The following CSMD3 variants were observed in gnomAD, a reference collection of about 807,000 sequenced individuals.
The protein encoded by CSMD3 is CUB and Sushi multiple domains 3.
A neutral mutation model predicts 435.2 loss-of-function variants in CSMD3; 177 were observed. The observed-to-expected ratio is 0.41, with a 90% CI of 0.36 to 0.46. The LOEUF is 0.46. Ranked by LOEUF, CSMD3 falls within the 20% of genes least tolerant of loss-of-function variation. The pLI is 0.34. For missense variants in CSMD3, 4,265 were observed against 4,504.6 expected (o/e 0.95, Z 1.52); for synonymous variants, 1,656 against 1,520.5 (o/e 1.09, Z -2.07).
intron 66 of CSMD3, among the ~76,000 whole-genome samples, chr8:112,238,623 A>C (rs1404126162): frequency 6.6e-6 from 1 of 151,934 alleles, no homozygotes; most frequent in Non-Finnish European, 1.5e-5. Context: ...ATGTTTTCTC[A>C]TATAACATGC....
At chr8:112,771,080 C>T (rs1428311876) in intron 13 of CSMD3, among the ~76,000 whole-genome samples, 1 of 151,996 alleles carries the variant, frequency 6.6e-6, no homozygotes, top group African/African-American at 2.4e-5. Context: ...ATGACATATA[C>T]CTTCAACATT....
At chr8:113,200,157 G>T (rs2092701899) in intron 3 of CSMD3, among the ~76,000 whole-genome samples, 1 of 151,784 alleles carries the variant, frequency 6.6e-6, no homozygotes, top group Non-Finnish European at 1.5e-5. Context: ...TTGTTGAAAG[G>T]AGAAAGTTGG....
chr8:112,461,198 A>G (rs1817411242), intron 32 of CSMD3, among the ~76,000 whole-genome samples: 1 of 152,184 alleles, frequency 6.6e-6, no homozygotes. Context: ...TCAGTGGGAT[A>G]GTGTCAGAAA....
At chr8:112,851,560 T>A (rs1169875985) in intron 11 of CSMD3, among the ~76,000 whole-genome samples, 1 of 152,070 alleles carries the variant, frequency 6.6e-6, no homozygotes, top group Non-Finnish European at 1.5e-5. Flanking sequence ...GGTCAGGACT[T>A]CGAGACCAGC....
chr8:112,957,802 G>A (rs1231904015), intron 7 of CSMD3, among the ~76,000 whole-genome samples: 3 of 152,292 alleles, frequency 2.0e-5, no homozygotes, highest in African/African-American at 2.4e-5. Context: ...CTGGAGAGCA[G>A]TGGCGTGATC....
rs1427352833 is a variant in CSMD3 at position 112,449,489 on chromosome 8, T to G, written c.5395+23102A>C. ...GAAGCTAACCCTAAGAAAAGCTGAG[T>G]GCAGAGACAGAGAATATGCGCCGAG... On this transcript the variant is annotated intron_variant, in intron 32 of 70. Coordinates refer to ENST00000297405, the MANE Select transcript of CSMD3 (RefSeq NM_198123.2). Among the ~76,000 whole-genome samples, 5 of 152,170 alleles carry G rather than the reference T, an allele frequency of 3.3e-5. No individual in the cohort carries two copies. The East Asian group carries it at 9.7e-4, about 30-fold the overall frequency.
At chr8:113,257,006 A>T (rs1276027414) in intron 3 of CSMD3, among the ~76,000 whole-genome samples, 1 of 152,148 alleles carries the variant, frequency 6.6e-6, no homozygotes, top group East Asian at 1.9e-4. Context: ...ATGTTAATAG[A>T]GGAAGGAGTG....
intron 10 of CSMD3, among the ~76,000 whole-genome samples, chr8:112,917,430 G>A (rs180916414): frequency 1.3e-5 from 2 of 151,914 alleles, no homozygotes; most frequent in East Asian, 1.9e-4. Flanking sequence ...TTCAGGAACA[G>A]GCTAGACATA....
chr8:113,249,044 G>C (rs1245686408), intron 3 of CSMD3, among the ~76,000 whole-genome samples: 4 of 152,040 alleles, frequency 2.6e-5, no homozygotes, highest in Non-Finnish European at 4.4e-5. Context: ...AATGAGTCAT[G>C]GGGGTGGTTT....
At chr8:112,728,780 C>A (rs1426795940) in intron 13 of CSMD3, among the ~76,000 whole-genome samples, 1 of 152,012 alleles carries the variant, frequency 6.6e-6, no homozygotes, top group Non-Finnish European at 1.5e-5. Flanking sequence ...CTATTTAAAA[C>A]AAATAAGTAA....
Position 113,095,638 on chromosome 8 carries a change from T to C in CSMD3, c.917+3118A>G, listed in dbSNP as rs1425359936. Among the ~76,000 whole-genome samples the C allele has an allele frequency of 4.6e-5, 7 of 152,242 alleles. No individual in the cohort carries two copies. The South Asian group carries it at 1.0e-3, about 23-fold the overall frequency. ...TGTCTGTGGGATCTGTATTAGCAGA[T>C]TCAACCAATCACAGATCAAAAATAT... On this transcript the variant is annotated intron_variant, in intron 5 of 70. Coordinates refer to ENST00000297405, the MANE Select transcript of CSMD3 (RefSeq NM_198123.2).
intron 41 of CSMD3, among the ~76,000 whole-genome samples, chr8:112,342,203 T>A (rs140530487): frequency 2.6e-5 from 4 of 152,258 alleles, no homozygotes; most frequent in African/African-American, 4.8e-5. Flanking sequence ...GCTCTTTCAG[T>A]GTTTTGCTTA....
intron 63 of CSMD3, among the ~76,000 whole-genome samples, chr8:112,247,974 A>C (rs574254459): frequency 6.6e-6 from 1 of 152,138 alleles, no homozygotes; most frequent in Non-Finnish European, 1.5e-5. Context: ...ATTGATTGGC[A>C]TTTATTGTTT....
intron 59 of CSMD3, among the ~76,000 whole-genome samples, chr8:112,274,568 T>A (rs930757929): frequency 1.3e-5 from 2 of 152,142 alleles, no homozygotes; most frequent in African/African-American, 4.8e-5. Flanking sequence ...AAACTGCCCA[T>A]GGTTTGAGAA....
chr8:113,216,082 T>C (rs560141392), intron 3 of CSMD3, among the ~76,000 whole-genome samples: 53 of 151,838 alleles, frequency 3.5e-4, no homozygotes, highest in African/African-American at 1.1e-3. Context: ...CAGTCCTACA[T>C]AGAGGAACCC....
intron 27 of CSMD3, among the ~76,000 whole-genome samples, chr8:112,550,106 G>GA (rs923512845): frequency 2.0e-5 from 3 of 151,726 alleles, no homozygotes; most frequent in Non-Finnish European, 4.4e-5. Flanking sequence ...GCCATGAGAA[G>GA]AAAAAAATTA....
chr8:112,853,645 T>A (rs1254372362), intron 11 of CSMD3, among the ~76,000 whole-genome samples: 1 of 152,194 alleles, frequency 6.6e-6, no homozygotes, highest in African/African-American at 2.4e-5. Context: ...ACCTCTATCC[T>A]TTTAAAAAAG....
At chr8:112,400,359 A>G (rs1831214384) in intron 35 of CSMD3, among the ~76,000 whole-genome samples, 1 of 152,080 alleles carries the variant, frequency 6.6e-6, no homozygotes. Flanking sequence ...TAATGGCCCC[A>G]CCTCCCAATA....
chr8:112,433,079 G>A (rs749713338), intron 32 of CSMD3, among the ~76,000 whole-genome samples: 2 of 151,996 alleles, frequency 1.3e-5, no homozygotes, highest in Non-Finnish European at 2.9e-5. Context: ...AAGAAACTGT[G>A]ACTTCAATTA....
Sources: allele counts gnomAD v4.1 joint callset (sites outside exome capture counted in the v4.1 genomes callset), GRCh38; gene constraint gnomAD v4.1.1; transcripts MANE v1.5; gene names NCBI Gene and HGNC (gene_info 2026-07-23, HGNC 2026-07-21).